Variants in KCNH7 observed in about 807,000 individuals in gnomAD.
The protein encoded by KCNH7 is potassium voltage-gated channel subfamily H member 7, also known as voltage-gated inwardly rectifying potassium channel KCNH7.
A neutral mutation model predicts 120.8 loss-of-function variants in KCNH7; 49 were observed. The ratio of observed to expected loss-of-function variants is 0.41; its 90% CI spans 0.32 to 0.51. The LOEUF (loss-of-function observed/expected upper bound fraction) is 0.51, where lower values mean the gene tolerates loss of function less well. Ranked by LOEUF, KCNH7 falls within the 20% of genes least tolerant of loss-of-function variation. The probability of loss-of-function intolerance (pLI) is 0.38; values close to 1 mark genes in which losing one functional copy is unlikely to be tolerated. For missense variants in KCNH7, 1,097 were observed against 1,446.6 expected, an observed-to-expected ratio of 0.76 and a Z score of 3.92; for synonymous variants, 547 against 516.1, an observed-to-expected ratio of 1.06 and a Z score of -0.81.
At chr2:162,389,513 G>T (rs1210699950) in intron 12 of KCNH7, among the ~76,000 whole-genome samples, 2 of 152,008 alleles carry the variant, frequency 1.3e-5, no homozygotes, top group African/African-American at 4.8e-5. Flanking sequence ...GGAAGAGTGG[G>T]TTCAGATACT....
intron 2 of KCNH7, among the ~76,000 whole-genome samples, chr2:162,580,782 C>T (rs1439978679): frequency 2.6e-5 from 4 of 151,918 alleles, no homozygotes; most frequent in African/African-American, 9.7e-5. Context: ...GAGAAGAGTA[C>T]TTGGTTTGGG....
intron 12 of KCNH7, among the ~76,000 whole-genome samples, chr2:162,389,411 A>G (rs1367319865): frequency 6.6e-6 from 1 of 152,008 alleles, no homozygotes; most frequent in Non-Finnish European, 1.5e-5. Flanking sequence ...CAAGTCCTAT[A>G]TAATTGAGGC....
At chr2:162,471,736 A>T (rs1322724054) in intron 6 of KCNH7, among the ~76,000 whole-genome samples, 55 of 152,196 alleles carry the variant, frequency 3.6e-4, no homozygotes, top group Admixed American at 3.6e-3. Flanking sequence ...GGAAAAAACT[A>T]CTTTAAAGTT....
At chr2:162,516,302 A>G (rs1397551711) in intron 4 of KCNH7, among the ~76,000 whole-genome samples, 2 of 151,624 alleles carry the variant, frequency 1.3e-5, no homozygotes, top group Non-Finnish European at 3.0e-5. Context: ...TGGTTTGCAC[A>G]CTCGAGTGTG....
At chr2:162,500,451 G>T (rs1262599855) in intron 6 of KCNH7, among the ~76,000 whole-genome samples, 1 of 151,188 alleles carries the variant, frequency 6.6e-6, no homozygotes, top group Non-Finnish European at 1.5e-5. Flanking sequence ...ATGAATGAAT[G>T]AATGACCACA....
In KCNH7 at chr2:162,517,792, T is replaced by G. The variant is rs746448376; in HGVS notation, c.830A>C (p.His277Pro). 6.2e-7 allele frequency: 1 copy of G among 1,604,666 alleles called. No homozygotes were observed. The highest frequency in any genetic ancestry group is 1.3e-5 in the African/African-American group (1 of 74,630). Residue 277 changes from histidine to proline, a missense_variant, in exon 4 of 16, where the codon CAT (histidine) becomes CCT (proline). Physicochemically the swap from His to Pro is moderately conservative, Grantham distance 77 (BLOSUM62 -2). Coordinates refer to ENST00000332142, the MANE Select transcript of KCNH7 (RefSeq NM_033272.4). ...LCSIRRASSV[H>P]DIEGFGVHPK... ...GTGGACGCCGAATCCTTCTATATCA[T>G]GGACCGAAGATGCTCTCCGTATACT...
chr2:162,481,336 T>C (rs1184467703), intron 6 of KCNH7, among the ~76,000 whole-genome samples: 1 of 152,212 alleles, frequency 6.6e-6, no homozygotes, highest in Non-Finnish European at 1.5e-5. Flanking sequence ...ATGAAGAAGA[T>C]ATTATGCCTA....
intron 12 of KCNH7, among the ~76,000 whole-genome samples, chr2:162,386,185 G>A (rs912374198): frequency 3.4e-4 from 51 of 151,890 alleles, no homozygotes; most frequent in African/African-American, 9.4e-4. Context: ...ACTGTTACTT[G>A]TATATCCCTA....
chr2:162,388,633 T>C (rs1458244183), intron 12 of KCNH7, among the ~76,000 whole-genome samples: 1 of 151,904 alleles, frequency 6.6e-6, no homozygotes. Flanking sequence ...ATAATACCAA[T>C]ATATTGAAAT....
intron 2 of KCNH7, among the ~76,000 whole-genome samples, chr2:162,810,264 T>G (rs1477459025): frequency 6.6e-6 from 1 of 152,208 alleles, no homozygotes; most frequent in Non-Finnish European, 1.5e-5. Flanking sequence ...ACATCTATAA[T>G]ATGATATTCA....
chr2:162,382,562 A>G (rs1252135794), intron 13 of KCNH7, among the ~76,000 whole-genome samples: 1 of 152,078 alleles, frequency 6.6e-6, no homozygotes, highest in Non-Finnish European at 1.5e-5. Flanking sequence ...TTTGACCTCA[A>G]TCTTAGTAGG....
intron 2 of KCNH7, among the ~76,000 whole-genome samples, chr2:162,557,383 G>A (rs986683377): frequency 6.6e-6 from 1 of 152,160 alleles, no homozygotes; most frequent in Admixed American, 6.5e-5. Flanking sequence ...GGCCAATTAA[G>A]GTTGAAGCTT....
At chr2:162,581,042 G>T (rs967985971) in intron 2 of KCNH7, among the ~76,000 whole-genome samples, 1 of 152,050 alleles carries the variant, frequency 6.6e-6, no homozygotes, top group Non-Finnish European at 1.5e-5. Flanking sequence ...AAAACTCAGA[G>T]AGAGGCTATA....
chr2:162,577,319 ATCTATCTATCTG>A (rs1481816729), intron 2 of KCNH7, among the ~76,000 whole-genome samples: 63 of 147,548 alleles, frequency 4.3e-4, no homozygotes, highest in South Asian at 2.3e-3. Context: ...CTATCTATCT[ATCTATCTATCTG>A]TCTATCATCT....
At chr2:162,630,639 T>C (rs1258935103) in intron 2 of KCNH7, among the ~76,000 whole-genome samples, 1 of 152,124 alleles carries the variant, frequency 6.6e-6, no homozygotes, top group Non-Finnish European at 1.5e-5. Flanking sequence ...GTACCAAGTA[T>C]CCTTTTTGAG....
At chr2:162,773,901 T>C (rs1683148567) in intron 2 of KCNH7, among the ~76,000 whole-genome samples, 1 of 152,180 alleles carries the variant, frequency 6.6e-6, no homozygotes, top group Non-Finnish European at 1.5e-5. Context: ...ACACAAAAAA[T>C]ATTTTTATCA....
rs756749943 is a variant in KCNH7, at chr2:162,504,467, G to A, written c.1104C>T (p.His368=). ...CCTGGGTCACTTTCTCAGTCACATT[G>A]TGTGTTCGATCTTTAACCTTGGGTG... is the stretch of plus-strand genomic sequence containing the variant. The part of the protein sequence containing the change: ...IIAPKVKDRT[H]NVTEKVTQVL... Residue 368 remains histidine (H), a synonymous_variant, in exon 6 of 16, where the codon CAC becomes CAT. Coordinates refer to ENST00000332142, the MANE Select transcript of KCNH7 (RefSeq NM_033272.4). 1 of 1,612,428 alleles carries A rather than the reference G, an allele frequency of 6.2e-7. No individual in the cohort carries two copies. Among genetic ancestry groups the A allele is most frequent in the Non-Finnish European group, 8.5e-7 (1 of 1,178,920 alleles).
At chr2:162,812,210 T>C (rs575644303) in intron 2 of KCNH7, among the ~76,000 whole-genome samples, 1 of 152,124 alleles carries the variant, frequency 6.6e-6, no homozygotes, top group East Asian at 1.9e-4. Context: ...GCAGAGAATT[T>C]AGACAGGAAG....
rs771945556 is a variant in KCNH7, at chr2:162,446,150, A to G, written c.1422T>C (p.Tyr474=). ...IDILINFRTT[Y]VNQNEEVVSD... ...TTACCACTTCTTCATTCTGATTTACATATGTTGTTCTGAAGTTTATTAAAA... is the reference window on the plus strand; with the variant it reads ...TTACCACTTCTTCATTCTGATTTACGTATGTTGTTCTGAAGTTTATTAAAA... The change falls in exon 7 of 16, where the codon TAT becomes TAC. Residue 474 remains tyrosine (Y), a synonymous_variant. Coordinates refer to ENST00000332142, the MANE Select transcript of KCNH7 (RefSeq NM_033272.4). 10 of 1,613,700 alleles carry G rather than the reference A, an allele frequency of 6.2e-6. No homozygotes were observed. The Admixed American group carries it at 1.5e-4, about 24-fold the overall frequency.
Sources: allele counts gnomAD v4.1 joint callset (sites outside exome capture counted in the v4.1 genomes callset), GRCh38; gene constraint gnomAD v4.1.1; transcripts MANE v1.5; gene names NCBI Gene and HGNC (gene_info 2026-07-23, HGNC 2026-07-21).